Variants in CLPB observed in about 807,000 individuals in gnomAD.
The protein encoded by CLPB is mitochondrial disaggregase.
CLPB carries 40 observed loss-of-function variants against 78.4 expected under a neutral mutation model. The observed-to-expected ratio is 0.51, with a 90% CI of 0.40 to 0.66. The LOEUF (loss-of-function observed/expected upper bound fraction) is 0.66, where lower values mean the gene tolerates loss of function less well. Ranked by LOEUF, CLPB falls within the 30% of genes least tolerant of loss-of-function variation. The probability of loss-of-function intolerance (pLI) is 0.00; values close to 1 mark genes in which losing one functional copy is unlikely to be tolerated. For synonymous variants in CLPB, 333 were observed against 348.0 expected (o/e 0.96, Z 0.48); for missense variants, 780 against 886.9 (o/e 0.88, Z 1.53).
chr11:72,377,532 A>G (rs1218759886), intron 4 of CLPB, among the ~76,000 whole-genome samples: 4 of 152,170 alleles, frequency 2.6e-5, no homozygotes, highest in Non-Finnish European at 4.4e-5. Context: ...TTTGTTGTCT[A>G]TCTCTCCCTA....
chr11:72,297,439 G>C (rs1949569895), intron 11 of CLPB, among the ~76,000 whole-genome samples: 1 of 152,192 alleles, frequency 6.6e-6, no homozygotes, highest in South Asian at 2.1e-4. Context: ...ATTCCCAAAG[G>C]GTCTATACAC....
intron 2 of CLPB, among the ~76,000 whole-genome samples, chr11:72,423,158 T>C (rs1298738199): frequency 6.6e-6 from 1 of 152,198 alleles, no homozygotes; most frequent in African/African-American, 2.4e-5. Context: ...TAAATGATAA[T>C]TTAAGAGGCA....
chr11:72,357,699 A>AG lies in CLPB; in HGVS notation c.775+1180dup, dbSNP rs201198848. The stretch of plus-strand genomic sequence containing the variant: ...CAACAAAAGCAAAACTCCGTGTCCC[A>AG]GAAAAAAAAAAAAAAAAAAAAAAAA... On this transcript the variant is annotated intron_variant, in intron 5 of 15. Coordinates refer to ENST00000538039, the MANE Select transcript of CLPB (RefSeq NM_001258392.3). 5.8e-4 allele frequency among the ~76,000 whole-genome samples: 79 copies of AG among 136,682 alleles called. 1 individual carries two copies. The highest frequency in any genetic ancestry group is 2.9e-3 in the East Asian group (13 of 4,448). 89.7% of individuals were successfully genotyped at this position (136,682 alleles called of 152,430 possible).
At chr11:72,398,516 C>T (rs1855472680) in intron 3 of CLPB, among the ~76,000 whole-genome samples, 1 of 151,756 alleles carries the variant, frequency 6.6e-6, no homozygotes, top group Non-Finnish European at 1.5e-5. Flanking sequence ...AAGTGCCTTC[C>T]ACCGTCTGTC....
intron 4 of CLPB, among the ~76,000 whole-genome samples, chr11:72,368,392 A>T (rs562465628): frequency 6.6e-6 from 1 of 152,372 alleles, no homozygotes; most frequent in South Asian, 2.1e-4. Flanking sequence ...ACTGACACTT[A>T]GAGAAGTTAT....
intron 4 of CLPB, among the ~76,000 whole-genome samples, chr11:72,366,003 G>T (rs576737670): frequency 6.6e-5 from 10 of 152,252 alleles, no homozygotes; most frequent in Non-Finnish European, 1.2e-4. Flanking sequence ...CCTTGGCAAA[G>T]AATTTATTAC....
At chr11:72,395,186 G>A (rs1239107634) in intron 3 of CLPB, among the ~76,000 whole-genome samples, 5 of 152,266 alleles carry the variant, frequency 3.3e-5, no homozygotes, top group Middle Eastern at 3.4e-3. Context: ...TCTCCAAAGC[G>A]GGACTTTTAT....
At position 72,293,511 on chromosome 11, in the gene CLPB, T is replaced by C. The variant is rs765019394; in HGVS notation, c.1890A>G (p.Leu630=). 5.6e-6 allele frequency: 9 copies of C among 1,613,904 alleles called. No homozygotes were observed. The Admixed American group carries it at 8.3e-5, about 15-fold the overall frequency. ...RITVEDSDKQ[L]LKSPELPSPQ... The stretch of plus-strand genomic sequence containing the variant: ...GTGAGGGCAGTTCTGGGCTTTTGAG[T>C]AGCTGCTTGTCTGAGTCCTCCACCG... Residue 630 remains leucine (L), a synonymous_variant, in exon 16 of 16, where the codon CTA becomes CTG. Coordinates refer to ENST00000538039, the MANE Select transcript of CLPB (RefSeq NM_001258392.3).
In CLPB at chr11:72,312,698, A is replaced by G. The variant is rs1382112996; in HGVS notation, c.989-4094T>C. Among the ~76,000 whole-genome samples the G allele has an allele frequency of 6.6e-6, 1 of 152,206 alleles. No individual in the cohort carries two copies. The highest frequency in any genetic ancestry group is 2.4e-5 in the African/African-American group (1 of 41,454). ...GGTAGTTACTACCACTCTTGCATGA[A>G]GAAGGCTTCCACTTTCTTCTAAATC... is the stretch of plus-strand genomic sequence containing the variant. On this transcript the variant is annotated intron_variant, in intron 7 of 15. Transcript: ENST00000538039. The surrounding 1 kb of genome is among the most constrained non-coding windows in gnomAD (Gnocchi z 4.2).
At chr11:72,323,825 T>C (rs1950086589) in intron 6 of CLPB, among the ~76,000 whole-genome samples, 1 of 152,104 alleles carries the variant, frequency 6.6e-6, no homozygotes, top group Admixed American at 6.6e-5. Context: ...ATTAATGCCC[T>C]GATTTTGATG....
At position 72,400,140 on chromosome 11, in the gene CLPB, A is replaced by G. The variant is rs144665032; in HGVS notation, c.542+2826T>C. ...ACCAAAGGACCACAACTAATACAGA[A>G]ATAAGCTCTATGTGGGCAGGGATCT... is the stretch of plus-strand genomic sequence containing the variant. On this transcript the variant is annotated intron_variant, in intron 3 of 15. Coordinates refer to ENST00000538039, the MANE Select transcript of CLPB (RefSeq NM_001258392.3). Among the ~76,000 whole-genome samples, 9 of 152,324 alleles carry G rather than the reference A, an allele frequency of 5.9e-5. No homozygotes were observed. The East Asian group carries it at 1.5e-3, about 26-fold the overall frequency.
rs1949386738 is a variant in CLPB at position 72,286,223 on chromosome 11, G to GTTTTTTTTGTTTTTTTTTTTTTT, written c.*7143_*7144insAAAAAAAAAAAAAACAAAAAAAA. On this transcript the variant is annotated 3_prime_UTR_variant, in exon 16 of 16. Coordinates refer to ENST00000538039, the MANE Select transcript of CLPB (RefSeq NM_001258392.3). ...ATTACAGGTGTGAGATACTGCACCTGTTTTTTTTTTTTTTTTTTTTTTTAA... is the reference window on the plus strand; with the variant it reads ...ATTACAGGTGTGAGATACTGCACCTGTTTTTTTTGTTTTTTTTTTTTTTTTTTTTTTTTTTTTTTTTTTTTTAA... The GTTTTTTTTGTTTTTTTTTTTTTT allele has an allele frequency of 1.7e-5, 1 of 60,450 alleles. No homozygotes were observed. The highest frequency in any genetic ancestry group is 6.9e-5 in the African/African-American group (1 of 14,464). 3.7% of individuals were successfully genotyped at this position (60,450 alleles called of 1,614,324 possible).
intron 2 of CLPB, among the ~76,000 whole-genome samples, chr11:72,407,710 G>A (rs1245587567): frequency 2.0e-5 from 3 of 150,434 alleles, no homozygotes; most frequent in African/African-American, 7.4e-5. Context: ...GCAGTGGCAC[G>A]ATCTCGGCTC....
chr11:72,315,885 T>C (rs1949933029), intron 7 of CLPB, among the ~76,000 whole-genome samples: 1 of 152,146 alleles, frequency 6.6e-6, no homozygotes, highest in Non-Finnish European at 1.5e-5. Flanking sequence ...AGGTGTTGGG[T>C]GCTGCTTGCC....
intron 1 of CLPB, among the ~76,000 whole-genome samples, chr11:72,433,793 A>C (rs1856618800): frequency 6.6e-6 from 1 of 152,106 alleles, no homozygotes; most frequent in Non-Finnish European, 1.5e-5. Context: ...TAAGGGGACC[A>C]TGCTATAATA....
chr11:72,331,872 C>A (rs1950233344), intron 5 of CLPB, among the ~76,000 whole-genome samples: 1 of 152,120 alleles, frequency 6.6e-6, no homozygotes, highest in South Asian at 2.1e-4. Flanking sequence ...CCATGCCCAG[C>A]CACAGTCTCT....
chr11:72,421,292 C>A (rs1856189932), intron 2 of CLPB, among the ~76,000 whole-genome samples: 1 of 152,208 alleles, frequency 6.6e-6, no homozygotes, highest in African/African-American at 2.4e-5. Flanking sequence ...CTTCTCCCTT[C>A]CTTCTTGCCC....
chr11:72,395,044 T>G (rs1855365106), intron 3 of CLPB, among the ~76,000 whole-genome samples: 1 of 152,172 alleles, frequency 6.6e-6, no homozygotes, highest in Non-Finnish European at 1.5e-5. Context: ...CCCTACTCCC[T>G]ATGTTACCAA....
chr11:72,300,866 G>C (rs1175701090), intron 11 of CLPB, among the ~76,000 whole-genome samples: 1 of 152,162 alleles, frequency 6.6e-6, no homozygotes, highest in African/African-American at 2.4e-5. Context: ...GATGGAGCAG[G>C]GCCCCTGAAA....
Sources: allele counts gnomAD v4.1 joint callset (sites outside exome capture counted in the v4.1 genomes callset), GRCh38; gene constraint gnomAD v4.1.1; non-coding constraint Gnocchi (gnomAD v3.1); transcripts MANE v1.5; gene names NCBI Gene and HGNC (gene_info 2026-07-23, HGNC 2026-07-21).